PCAT7: variants seen among roughly 807,000 people sequenced by gnomAD.
PCAT7 encodes prostate cancer associated transcript 7 (non-protein coding).
At chr9:94,565,835 G>A (rs1429455167) in intron 2 of PCAT7, among the ~76,000 whole-genome samples, 1 of 152,166 alleles carries the variant, frequency 6.6e-6, no homozygotes. Flanking sequence ...AGGAGGGAGG[G>A]ATAACTATAG....
intron 2 of PCAT7, among the ~76,000 whole-genome samples, chr9:94,566,493 T>G (rs1587838598): frequency 6.6e-6 from 1 of 152,260 alleles, no homozygotes; most frequent in East Asian, 1.9e-4. Context: ...AAGGGATACT[T>G]TTAGTTAATC....
chr9:94,558,479 G>C (rs1827041199), intron 1 of PCAT7, among the ~76,000 whole-genome samples: 1 of 152,072 alleles, frequency 6.6e-6, no homozygotes, highest in Admixed American at 6.6e-5. Flanking sequence ...ATTTTTAGTA[G>C]AGATGGGGTT....
intron 1 of PCAT7, among the ~76,000 whole-genome samples, chr9:94,555,908 A>T (rs996284540): frequency 2.7e-5 from 4 of 149,702 alleles, no homozygotes; most frequent in Non-Finnish European, 4.4e-5. Context: ...ATGGAAGGCA[A>T]AAAGGAGGGT....
chr9:94,558,806 G>A, intron 1 of PCAT7: 1 of 814,310 alleles, frequency 1.2e-6, no homozygotes, highest in South Asian at 1.6e-5. Flanking sequence ...GCAGTTTGTT[G>A]TTGCTCTTCT....
At chr9:94,564,686 G>A (rs1827160288) in intron 2 of PCAT7, among the ~76,000 whole-genome samples, 1 of 151,962 alleles carries the variant, frequency 6.6e-6, no homozygotes, top group Admixed American at 6.6e-5. Context: ...AGGAGGGGGA[G>A]GAGCAGAAAA....
chr9:94,565,648 C>G (rs1298007178), intron 2 of PCAT7, among the ~76,000 whole-genome samples: 1 of 151,404 alleles, frequency 6.6e-6, no homozygotes, highest in Non-Finnish European at 1.5e-5. Context: ...CTTGACATAA[C>G]AGAGACAGGT....
rs370659645 is a variant in PCAT7 at position 94,559,033 on chromosome 9, C to T, written n.322C>T. The T allele has an allele frequency of 4.4e-5, 71 of 1,614,002 alleles. No homozygotes were observed. Among genetic ancestry groups the T allele is most frequent in the Admixed American group, 1.0e-4 (6 of 59,996 alleles). ...AGGGGGACTCGCTGGTGAATTGCCT[C>T]GGGCTTCACGTCCAGTACAGGCTGG... On this transcript the variant is annotated non_coding_transcript_exon_variant, in exon 2 of 9. Transcript: ENST00000647389.
upstream of PCAT7, among the ~76,000 whole-genome samples, chr9:94,554,672 G>T (rs532272471): frequency 6.6e-6 from 1 of 152,226 alleles, no homozygotes; most frequent in Non-Finnish European, 1.5e-5. Flanking sequence ...CCAGCACGCG[G>T]CGGTGCCTCT....
At chr9:94,557,654 C>G (rs567548611) in intron 1 of PCAT7, among the ~76,000 whole-genome samples, 1 of 152,178 alleles carries the variant, frequency 6.6e-6, no homozygotes, top group Non-Finnish European at 1.5e-5. Flanking sequence ...TGGTCCCACC[C>G]GACACTGCCT....
intron 2 of PCAT7, among the ~76,000 whole-genome samples, chr9:94,561,519 C>A (rs575592133): frequency 1.3e-5 from 2 of 152,034 alleles, no homozygotes; most frequent in African/African-American, 2.4e-5. Flanking sequence ...CATGCCACCA[C>A]GCCTGGCTAA....
chr9:94,567,310 G>A lies in PCAT7; in HGVS notation n.442-5669G>A, dbSNP rs371546490. 5.5e-4 allele frequency: 886 copies of A among 1,614,062 alleles called. 7 individuals are homozygous for A. In the South Asian group the frequency reaches 8.4e-3, roughly 15 times the overall value. ...TTTCTGCACATATTCAGTGGTGGCC[G>A]CATCAAAATACTTGGCATAGCCCTC... On this transcript the variant is annotated intron_variant and non_coding_transcript_variant, in intron 2 of 8. Transcript: ENST00000647389.
At chr9:94,558,438 G>A (rs895510066) in intron 1 of PCAT7, among the ~76,000 whole-genome samples, 2 of 152,070 alleles carry the variant, frequency 1.3e-5, no homozygotes, top group South Asian at 4.1e-4. Flanking sequence ...GGGACTACAG[G>A]CGCCCGCCAC....
At chr9:94,566,918 T>C (rs1042524694) in intron 2 of PCAT7, among the ~76,000 whole-genome samples, 1 of 151,814 alleles carries the variant, frequency 6.6e-6, no homozygotes, top group African/African-American at 2.4e-5. Context: ...AATTATTTAT[T>C]CTAAAAGCAA....
chr9:94,566,342 C>G (rs967102416), intron 2 of PCAT7, among the ~76,000 whole-genome samples: 1 of 152,236 alleles, frequency 6.6e-6, no homozygotes, highest in Non-Finnish European at 1.5e-5. Flanking sequence ...ACACCTGGCC[C>G]GCCCAGGGTG....
At chr9:94,567,495 TG>T in intron 2 of PCAT7, 2 of 1,507,348 alleles carry the variant, frequency 1.3e-6, no homozygotes, top group South Asian at 2.4e-5. Context: ...CAGGAGAAGA[TG>T]GGGGCCTGCT....
intron 2 of PCAT7, among the ~76,000 whole-genome samples, chr9:94,560,508 T>G (rs926775679): frequency 1.6e-4 from 24 of 152,140 alleles, no homozygotes; most frequent in African/African-American, 5.8e-4. Context: ...TCTTCTTCTT[T>G]CTCCCCATCA....
chr9:94,567,030 TA>T (rs1363466323), intron 2 of PCAT7, among the ~76,000 whole-genome samples: 1 of 152,194 alleles, frequency 6.6e-6, no homozygotes, highest in Admixed American at 6.5e-5. Context: ...GCCTTCTTTA[TA>T]AAGAATTTAT....
At chr9:94,565,217 T>C (rs1322184752) in intron 2 of PCAT7, among the ~76,000 whole-genome samples, 1 of 151,880 alleles carries the variant, frequency 6.6e-6, no homozygotes, top group African/African-American at 2.4e-5. Context: ...CTACTAAAAA[T>C]ACAAAATATT....
chr9:94,565,135 A>G (rs913208323), intron 2 of PCAT7, among the ~76,000 whole-genome samples: 6 of 152,176 alleles, frequency 3.9e-5, no homozygotes, highest in Non-Finnish European at 8.8e-5. Context: ...GCATTTTGGG[A>G]GGCCAAGGCA....
Sources: gnomAD v4.1 joint callset for allele counts (sites outside exome capture counted in the v4.1 genomes callset) on GRCh38, gnomAD v4.1.1 for gene constraint, MANE v1.5 for transcripts, NCBI Gene and HGNC (gene_info 2026-07-23, HGNC 2026-07-21) for gene names.